ARHGAP42: variants seen among roughly 807,000 people sequenced by gnomAD.
The protein encoded by ARHGAP42 is rho GTPase-activating protein 42.
In ARHGAP42, 63 loss-of-function variants were observed where a neutral mutation model predicts 125.0. That is an observed-to-expected ratio of 0.50 (90% confidence interval 0.41 to 0.62). ARHGAP42 has a LOEUF of 0.62. Ranked by LOEUF, ARHGAP42 falls within the 20% of genes least tolerant of loss-of-function variation. The pLI is 0.00. For missense variants in ARHGAP42, 766 were observed against 1,024.2 expected (o/e 0.75, Z 3.44); for synonymous variants, 339 against 351.0 (o/e 0.97, Z 0.38).
intron 4 of ARHGAP42, among the ~76,000 whole-genome samples, chr11:100,882,377 T>C (rs754614933): frequency 6.6e-6 from 1 of 152,222 alleles, no homozygotes; most frequent in East Asian, 1.9e-4. Context: ...TTAATTCTTT[T>C]TATGTGGTGT....
chr11:100,938,689 C>G (rs1331522794), intron 8 of ARHGAP42, among the ~76,000 whole-genome samples: 2 of 152,126 alleles, frequency 1.3e-5, no homozygotes, highest in Non-Finnish European at 2.9e-5. Context: ...CTATCATCTT[C>G]TCCTATTCCC....
intron 1 of ARHGAP42, among the ~76,000 whole-genome samples, chr11:100,739,997 G>A (rs1309299570): frequency 3.3e-5 from 5 of 151,782 alleles, no homozygotes; most frequent in South Asian, 2.1e-4. Flanking sequence ...TGTTTTTTGC[G>A]TGTTGAAATA....
chr11:100,905,678 T>C (rs1866711418), intron 4 of ARHGAP42, among the ~76,000 whole-genome samples: 2 of 152,138 alleles, frequency 1.3e-5, no homozygotes, highest in Admixed American at 6.5e-5. Flanking sequence ...AAGGATATAA[T>C]TACAAAACAA....
intron 9 of ARHGAP42, among the ~76,000 whole-genome samples, chr11:100,943,439 A>G (rs140894651): frequency 6.6e-6 from 1 of 152,108 alleles, no homozygotes; most frequent in East Asian, 1.9e-4. Context: ...GTGTAACTTC[A>G]TACGTTTTCT....
chr11:100,888,297 T>C (rs1483326215), intron 4 of ARHGAP42, among the ~76,000 whole-genome samples: 1 of 152,086 alleles, frequency 6.6e-6, no homozygotes, highest in Non-Finnish European at 1.5e-5. Context: ...TGTAAAAACT[T>C]CCACTACTTG....
intron 3 of ARHGAP42, among the ~76,000 whole-genome samples, chr11:100,835,546 A>AATC (rs1936767175): frequency 6.6e-6 from 1 of 152,126 alleles, no homozygotes; most frequent in African/African-American, 2.4e-5. Context: ...TGAACTGATT[A>AATC]ACTTAGATTC....
intron 1 of ARHGAP42, among the ~76,000 whole-genome samples, chr11:100,725,531 G>T (rs902764609): frequency 2.6e-5 from 4 of 151,950 alleles, no homozygotes; most frequent in African/African-American, 7.2e-5. Context: ...GGAGAATCAC[G>T]CCTGTAATTC....
Position 100,772,376 on chromosome 11 carries a change from G to A in ARHGAP42, c.250+1938G>A, listed in dbSNP as rs79165905. ...TGCATACATCATTGTGATCATATTCGCAGTCTTTCTGAGCAGATATATGCC... is the reference window on the plus strand; with the variant it reads ...TGCATACATCATTGTGATCATATTCACAGTCTTTCTGAGCAGATATATGCC... On this transcript the variant is annotated intron_variant, in intron 2 of 23. Coordinates refer to ENST00000298815, the MANE Select transcript of ARHGAP42 (RefSeq NM_152432.4). Among the ~76,000 whole-genome samples the A allele has an allele frequency of 6.7e-3, 1,015 of 152,218 alleles. 6 individuals are homozygous for A. The highest frequency in any genetic ancestry group is 0.011 in the Non-Finnish European group (765 of 68,024).
At chr11:100,747,487 A>T (rs1258016820) in intron 1 of ARHGAP42, among the ~76,000 whole-genome samples, 1 of 152,232 alleles carries the variant, frequency 6.6e-6, no homozygotes, top group Non-Finnish European at 1.5e-5. Flanking sequence ...TAAAGAGCGG[A>T]TTAGTGCTTT....
chr11:100,792,152 A>G (rs1443715234), intron 2 of ARHGAP42, among the ~76,000 whole-genome samples: 1 of 152,190 alleles, frequency 6.6e-6, no homozygotes, highest in Non-Finnish European at 1.5e-5. Flanking sequence ...GGGAAGTTCT[A>G]GTGTGCTCCT....
At chr11:100,931,844 A>G (rs1867590773) in intron 6 of ARHGAP42, among the ~76,000 whole-genome samples, 1 of 152,196 alleles carries the variant, frequency 6.6e-6, no homozygotes, top group Admixed American at 6.5e-5. Flanking sequence ...GGTAGACTAT[A>G]TATTTTATTG....
chr11:100,894,182 A>G (rs1381761229), intron 4 of ARHGAP42, among the ~76,000 whole-genome samples: 1 of 152,224 alleles, frequency 6.6e-6, no homozygotes, highest in Non-Finnish European at 1.5e-5. Flanking sequence ...TATTCTGCCA[A>G]ATAGTTCTTT....
At chr11:100,695,796 G>A (rs1432898420) in intron 1 of ARHGAP42, among the ~76,000 whole-genome samples, 1 of 152,212 alleles carries the variant, frequency 6.6e-6, no homozygotes, top group African/African-American at 2.4e-5. Flanking sequence ...TAATCTGTCA[G>A]TTGTCCCAAC....
At chr11:100,730,607 A>T (rs1248897350) in intron 1 of ARHGAP42, among the ~76,000 whole-genome samples, 1 of 152,238 alleles carries the variant, frequency 6.6e-6, no homozygotes, top group East Asian at 1.9e-4. Context: ...AAATGCTGAT[A>T]CAAGCCATGT....
intron 4 of ARHGAP42, among the ~76,000 whole-genome samples, chr11:100,907,551 A>T (rs1866772998): frequency 6.6e-6 from 1 of 152,152 alleles, no homozygotes; most frequent in African/African-American, 2.4e-5. Flanking sequence ...AGAGATTAGG[A>T]GTTGTTGGGT....
rs188471160 is a variant in ARHGAP42, at chr11:100,939,043, G to A, written c.832+2711G>A. On this transcript the variant is annotated intron_variant, in intron 8 of 23. Transcript: ENST00000298815. ...GATAAATGGAGATGGATGTGATGGG[G>A]TAGGCTTAGCTCATTGTTTGGACAC... Among the ~76,000 whole-genome samples the A allele has an allele frequency of 3.9e-5, 6 of 152,298 alleles. No homozygotes were observed. The East Asian group carries it at 7.7e-4, about 20-fold the overall frequency.
At chr11:100,920,556 A>G (rs572895314) in intron 5 of ARHGAP42, among the ~76,000 whole-genome samples, 2 of 152,264 alleles carry the variant, frequency 1.3e-5, no homozygotes, top group South Asian at 4.1e-4. Flanking sequence ...GTAATACCCA[A>G]CTGGCGACAA....
chr11:100,792,027 G>C (rs957783009), intron 2 of ARHGAP42, among the ~76,000 whole-genome samples: 2 of 152,154 alleles, frequency 1.3e-5, no homozygotes, highest in Admixed American at 6.5e-5. Flanking sequence ...TGAGGTAGGA[G>C]GTACCTTAGG....
chr11:100,957,739 C>A (rs1453943117), intron 12 of ARHGAP42, among the ~76,000 whole-genome samples: 1 of 152,074 alleles, frequency 6.6e-6, no homozygotes, highest in East Asian at 1.9e-4. Flanking sequence ...TAGAGTAACG[C>A]TGCAGTTAGA....
Sources: gnomAD v4.1 joint callset for allele counts (sites outside exome capture counted in the v4.1 genomes callset) on GRCh38, gnomAD v4.1.1 for gene constraint, MANE v1.5 for transcripts, NCBI Gene and HGNC (gene_info 2026-07-23, HGNC 2026-07-21) for gene names.